Variants in TWF2 observed in about 807,000 individuals in gnomAD.
TWF2 encodes twinfilin-2.
TWF2 carries 15 observed loss-of-function variants against 45.1 expected under a neutral mutation model. That is an observed-to-expected ratio of 0.33 (90% CI 0.22 to 0.51). The LOEUF (loss-of-function observed/expected upper bound fraction) is 0.51. Ranked by LOEUF, TWF2 falls within the 20% of genes least tolerant of loss-of-function variation. TWF2 has a pLI of 0.97. For missense variants in TWF2, 423 were observed against 469.1 expected, an observed-to-expected ratio of 0.90 and a Z score of 0.91; for synonymous variants, 177 against 195.8, an observed-to-expected ratio of 0.90 and a Z score of 0.80.
At position 52,231,144 on chromosome 3, in the gene TWF2, G is replaced by T. The variant is rs141346827; in HGVS notation, c.466C>A (p.Gln156Lys). The change falls in exon 5 of 9, where the codon CAG (glutamine) becomes AAG (lysine). Residue 156 changes from glutamine (Q) to lysine (K), a missense_variant. Transcript: ENST00000305533. ...PLTSAERELQ[Q>K]IRINEVKTEI... ...CCACCCACCTCGTTAATGCGGATCT[G>T]CTGGAGCTCTCTCTCAGCCGAGGTC... 97 of 1,614,076 alleles carry T rather than the reference G, an allele frequency of 6.0e-5. No homozygotes were observed. Among genetic ancestry groups the T allele is most frequent in the Non-Finnish European group, 7.9e-5 (93 of 1,179,966 alleles).
At chr3:52,232,738 C>T (rs1040980241) in intron 2 of TWF2, among the ~76,000 whole-genome samples, 6 of 152,200 alleles carry the variant, frequency 3.9e-5, no homozygotes, top group South Asian at 2.1e-4. Context: ...AGATCCTTGC[C>T]GGGCGCGGTG....
chr3:52,229,657 C>G lies in TWF2; in HGVS notation c.882+4G>C, dbSNP rs539872493. On this transcript the variant is annotated splice_donor_region_variant and intron_variant, in intron 8 of 8. Transcript: ENST00000305533. ...GGAGGTGAGGCCCTGGGGAGGGCGC[C>G]TACTTTCTTGGCGATCTCCAGATGG... 4.9e-5 allele frequency: 79 copies of G among 1,613,338 alleles called. 1 individual carries two copies. The South Asian group carries it at 7.5e-4, about 15-fold the overall frequency.
Position 52,229,215 on chromosome 3 carries a change from G to T in TWF2, c.883-14C>A, listed in dbSNP as rs764871496. 1 of 1,608,578 alleles carries T rather than the reference G, an allele frequency of 6.2e-7. No individual in the cohort carries two copies. The highest frequency in any genetic ancestry group is 1.1e-5 in the South Asian group (1 of 91,032). On this transcript the variant is annotated splice_polypyrimidine_tract_variant and intron_variant, in intron 8 of 8. Transcript: ENST00000305533. Reference sequence around the variant, plus strand: ...GCCAATCTCAATCTGCATGGGGCAAGGCAGTGGTCACCCCAATGGGAGGGG... The same window carrying T: ...GCCAATCTCAATCTGCATGGGGCAATGCAGTGGTCACCCCAATGGGAGGGG...
intron 1 of TWF2, among the ~76,000 whole-genome samples, chr3:52,238,021 GCA>G (rs1699743314): frequency 6.6e-6 from 1 of 152,236 alleles, no homozygotes. Context: ...TAGAGTCAGG[GCA>G]CCTGGCTCCC....
At position 52,229,118 on chromosome 3, in the gene TWF2, G is replaced by A. The variant is rs1356179218; in HGVS notation, c.966C>T (p.Ala322=). 6.2e-7 allele frequency: 1 copy of A among 1,613,572 alleles called. No individual in the cohort carries two copies. The highest frequency in any genetic ancestry group is 8.5e-7 in the Non-Finnish European group (1 of 1,180,040). ...CCCCTGGGCCCTTGGGCTTGGCGAA[G>A]GCCTGCTTGAAGGCGTGTTGCTTGG... ...VHPKQHAFKQ[A]FAKPKGPGGK... is the part of the protein sequence containing the mutation. The change falls in exon 9 of 9, where the codon GCC becomes GCT. Residue 322 remains alanine, a synonymous_variant. Transcript: ENST00000305533.
At chr3:52,231,396 C>A in intron 4 of TWF2, 48 bp downstream of exon 4, 1 of 1,602,512 alleles carries the variant, frequency 6.2e-7, no homozygotes. Context: ...AGTGACCCCT[C>A]TCTGTGGGCC....
At chr3:52,232,952 G>A (rs371375906) in intron 2 of TWF2, among the ~76,000 whole-genome samples, 1 of 152,342 alleles carries the variant, frequency 6.6e-6, no homozygotes, top group Middle Eastern at 3.4e-3. Flanking sequence ...GGAGGTTGTG[G>A]TGAGCAGGAG....
At chr3:52,234,929 A>T in intron 2 of TWF2, 100 bp downstream of exon 2, 2 of 1,351,054 alleles carry the variant, frequency 1.5e-6, no homozygotes, top group South Asian at 2.4e-5. Flanking sequence ...TGGGAAATTG[A>T]GGTCCCGGCA....
At position 52,239,116 on chromosome 3, in the gene TWF2, C is replaced by G. The variant is rs1447246393; in HGVS notation, c.-100G>C. On this transcript the variant is annotated 5_prime_UTR_variant, in exon 1 of 9. Transcript: ENST00000305533. ...AGAGAGGTGGAGGATGTGGCGGAGG[C>G]TGTCGACCCTCGCGCAGCTTCCCGG... 6.4e-6 allele frequency: 9 copies of G among 1,416,806 alleles called. No homozygotes were observed. The highest frequency in any genetic ancestry group is 2.5e-5 in the Admixed American group (1 of 40,644). The allele number at this position is 1,416,806 out of a possible 1,614,324, so 87.8% of individuals were successfully genotyped here. A position where few individuals can be genotyped will look rare whatever the true frequency, so the allele number is the denominator to read the frequency against.
At chr3:52,236,278 G>A (rs894426752) in intron 1 of TWF2, among the ~76,000 whole-genome samples, 1 of 150,254 alleles carries the variant, frequency 6.7e-6, no homozygotes, top group Admixed American at 6.6e-5. Flanking sequence ...TCCAGCCTGG[G>A]CAACAAGAGT....
Position 52,229,221 on chromosome 3 carries a change from G to A in TWF2, c.883-20C>T. On this transcript the variant is annotated intron_variant, in intron 8 of 8. Coordinates refer to ENST00000305533, the MANE Select transcript of TWF2 (RefSeq NM_007284.4). Reference sequence around the variant, plus strand: ...CTCAATCTGCATGGGGCAAGGCAGTGGTCACCCCAATGGGAGGGGCTCTGA... The same window carrying A: ...CTCAATCTGCATGGGGCAAGGCAGTAGTCACCCCAATGGGAGGGGCTCTGA... 6.2e-7 allele frequency: 1 copy of A among 1,607,414 alleles called. No individual in the cohort carries two copies. The highest frequency in any genetic ancestry group is 2.2e-5 in the East Asian group (1 of 44,864).
intron 6 of TWF2, 113 bp from the exon 7 acceptor site, chr3:52,230,183 T>G (rs1302491811): frequency 7.3e-7 from 1 of 1,364,344 alleles, no homozygotes; most frequent in Admixed American, 2.7e-5. Flanking sequence ...TGATGTGACC[T>G]CCCTCTCCCA....
At chr3:52,229,862 C>A in intron 7 of TWF2, 58 bp downstream of exon 7, 1 of 1,593,770 alleles carries the variant, frequency 6.3e-7, no homozygotes. Context: ...TGCCCCACTG[C>A]AGACCAGCCC....
At chr3:52,238,776 C>A (rs1322336407) in intron 1 of TWF2, among the ~76,000 whole-genome samples, 2 of 152,214 alleles carry the variant, frequency 1.3e-5, no homozygotes, top group African/African-American at 4.8e-5. Context: ...GATACTTCCA[C>A]CCCAGTTGTG....
At chr3:52,230,809 T>C (rs1699670225) in intron 6 of TWF2, 61 bp downstream of exon 6, 1 of 1,572,618 alleles carries the variant, frequency 6.4e-7, no homozygotes, top group African/African-American at 1.3e-5. Context: ...CATCTGCACA[T>C]GTGCATGGGC....
chr3:52,237,000 G>A (rs1477804710), intron 1 of TWF2, among the ~76,000 whole-genome samples: 1 of 152,194 alleles, frequency 6.6e-6, no homozygotes, highest in Non-Finnish European at 1.5e-5. Context: ...GGGTAAATGG[G>A]AGAAAGGGCT....
intron 1 of TWF2, among the ~76,000 whole-genome samples, chr3:52,237,609 C>A (rs1400296780): frequency 6.6e-6 from 1 of 152,182 alleles, no homozygotes; most frequent in African/African-American, 2.4e-5. Context: ...TCCACCAGGG[C>A]TGGAGGCTGG....
chr3:52,232,174 C>T (rs573009432), intron 2 of TWF2, 52 bp from the exon 3 acceptor site: 24 of 1,464,930 alleles, frequency 1.6e-5, no homozygotes, highest in African/African-American at 9.9e-5. Context: ...CTGCGCCTCC[C>T]GCTGCAGACC....
At position 52,229,938 on chromosome 3, in the gene TWF2, C is replaced by T. The variant is rs547826086; in HGVS notation, c.742G>A (p.Asp248Asn). The T allele has an allele frequency of 5.0e-6, 8 of 1,612,390 alleles. No homozygotes were observed. Among genetic ancestry groups the T allele is most frequent in the African/African-American group, 4.0e-5 (3 of 75,064 alleles). Reference sequence around the variant, plus strand: ...CACTCACCTACAGACTCAAGGGGGTCGCCCTCATGGGTGTGCTTGTAGAGG... The same window carrying T: ...CACTCACCTACAGACTCAAGGGGGTTGCCCTCATGGGTGTGCTTGTAGAGG... Reference protein sequence around the residue: ...FFLYKHTHEGDPLESVVFIYS... With the variant: ...FFLYKHTHEGNPLESVVFIYS... Residue 248 changes from aspartate (D) to asparagine (N), a missense_variant, in exon 7 of 9, where the codon GAC becomes AAC. Coordinates refer to ENST00000305533, the MANE Select transcript of TWF2 (RefSeq NM_007284.4).
Sources: gnomAD v4.1 joint callset for allele counts (sites outside exome capture counted in the v4.1 genomes callset) on GRCh38, gnomAD v4.1.1 for gene constraint, MANE v1.5 for transcripts, NCBI Gene and HGNC (gene_info 2026-07-23, HGNC 2026-07-21) for gene names.